INPP5D: variants seen among roughly 807,000 people sequenced by gnomAD.
The protein encoded by INPP5D is inositol polyphosphate-5-phosphatase D, also known as phosphatidylinositol 3,4,5-trisphosphate 5-phosphatase 1.
INPP5D carries 33 observed loss-of-function variants against 122.9 expected under a neutral mutation model. The observed-to-expected ratio is 0.27, with a 90% CI of 0.20 to 0.36. The LOEUF is 0.36. INPP5D is among the 10% of genes least tolerant of loss of function. INPP5D has a pLI of 1.00. For missense variants in INPP5D, 1,053 were observed against 1,412.7 expected (o/e 0.75, Z 4.08); for synonymous variants, 584 against 576.2 (o/e 1.01, Z -0.19).
In INPP5D at chr2:233,198,346, G is replaced by A. The variant is rs559202516; in HGVS notation, c.2945G>A (p.Arg982Gln). ...PKKFLPSTAN[R>Q]GLPPRTQESR... ...AAGTTTTTACCCTCAACAGCAAACC[G>A]GGGTCTCCCTCCCAGGACACAGGAG... The change falls in exon 25 of 27, where the codon CGG (arginine) becomes CAG (glutamine). Residue 982 changes from arginine to glutamine, a missense_variant. Coordinates refer to ENST00000445964, the MANE Select transcript of INPP5D (RefSeq NM_001017915.3). 7.4e-5 allele frequency: 119 copies of A among 1,613,432 alleles called. No individual in the cohort carries two copies. In the East Asian group the frequency reaches 2.4e-3, roughly 32 times the overall value.
At chr2:233,089,079 C>T (rs1054608654) in intron 2 of INPP5D, among the ~76,000 whole-genome samples, 6 of 152,162 alleles carry the variant, frequency 3.9e-5, no homozygotes, top group African/African-American at 1.4e-4. Flanking sequence ...ACTGGGCATA[C>T]GTCACTGCTG....
chr2:233,166,148 C>T (rs935449941), intron 13 of INPP5D, among the ~76,000 whole-genome samples: 12 of 152,210 alleles, frequency 7.9e-5, no homozygotes, highest in Admixed American at 2.0e-4. Context: ...GCTGCGCCCA[C>T]GCCCTCCTGC....
intron 1 of INPP5D, among the ~76,000 whole-genome samples, chr2:233,073,193 G>T (rs916999904): frequency 7.9e-5 from 12 of 152,216 alleles, no homozygotes; most frequent in African/African-American, 2.7e-4. Flanking sequence ...CTCGCTGGGG[G>T]AGGGGAGGCA....
rs957443661 is a variant in INPP5D at position 233,100,595 on chromosome 2, G to A, written c.198+21197G>A. On this transcript the variant is annotated intron_variant, in intron 2 of 26. Transcript: ENST00000445964. The surrounding 1 kb of genome is among the most constrained non-coding windows in gnomAD (Gnocchi z 5.3). ...CATGGACTCATGGGCACCCCCGGTT[G>A]AGCTCGCTCACCCAGAGCTCTCTCT... is the stretch of plus-strand genomic sequence containing the variant. Among the ~76,000 whole-genome samples the A allele has an allele frequency of 7.9e-5, 12 of 152,322 alleles. No individual in the cohort carries two copies. The highest frequency in any genetic ancestry group is 1.2e-4 in the Non-Finnish European group (8 of 68,030).
chr2:233,125,669 AC>A, intron 3 of INPP5D, 75 bp from the exon 4 acceptor site: 1 of 1,352,748 alleles, frequency 7.4e-7, no homozygotes, highest in South Asian at 1.4e-5. Flanking sequence ...CGTGGCCTGG[AC>A]CCCATGGGGC....
intron 1 of INPP5D, among the ~76,000 whole-genome samples, chr2:233,065,045 G>C (rs1691173913): frequency 6.6e-6 from 1 of 152,196 alleles, no homozygotes; most frequent in South Asian, 2.1e-4. Context: ...GACTGTGCCG[G>C]GTTTTCTCTC....
At position 233,079,352 on chromosome 2, in the gene INPP5D, A is replaced by T; in HGVS notation, c.152A>T (p.Tyr51Phe). The T allele has an allele frequency of 6.2e-7, 1 of 1,605,276 alleles. No homozygotes were observed. Among genetic ancestry groups the T allele is most frequent in the Non-Finnish European group, 8.5e-7 (1 of 1,171,938 alleles). The change falls in exon 2 of 27, where the codon TAC (tyrosine) becomes TTC (phenylalanine). Residue 51 changes from tyrosine to phenylalanine, a missense_variant. Physicochemically the swap from Tyr to Phe is conservative, Grantham distance 22. Around this residue, in one of 6 missense-constraint regions of INPP5D, gnomAD observed 74 missense variants for 146.6 expected, o/e 0.50. Transcript: ENST00000445964. Reference sequence around the variant, plus strand: ...TATTTCAGGTATCGGAATTGCGTTTACACTTACAGAATTCTGCCCAATGAA... The same window carrying T: ...TATTTCAGGTATCGGAATTGCGTTTTCACTTACAGAATTCTGCCCAATGAA... ...ALCVLYRNCVYTYRILPNEDD... is the reference protein window; with the variant it reads ...ALCVLYRNCVFTYRILPNEDD...
intron 2 of INPP5D, among the ~76,000 whole-genome samples, chr2:233,080,273 C>T (rs780745660): frequency 2.0e-5 from 3 of 152,154 alleles, no homozygotes; most frequent in African/African-American, 4.8e-5. Context: ...CCGTCCAAGC[C>T]CGGGAAGGCC....
At chr2:233,151,552 T>C (rs1693926733) in intron 9 of INPP5D, among the ~76,000 whole-genome samples, 1 of 152,122 alleles carries the variant, frequency 6.6e-6, no homozygotes, top group African/African-American at 2.4e-5. Flanking sequence ...GTCTTTCCTT[T>C]ACACACCCTG....
chr2:233,114,639 T>A (rs976017872), intron 2 of INPP5D, among the ~76,000 whole-genome samples: 2 of 152,144 alleles, frequency 1.3e-5, no homozygotes, highest in African/African-American at 4.8e-5. Context: ...CTCCGAGACC[T>A]GGAGCCCTCT....
rs190118586 is a variant in INPP5D, at chr2:233,133,601, A to G, written c.665+2953A>G. Among the ~76,000 whole-genome samples the G allele has an allele frequency of 1.6e-3, 251 of 152,334 alleles. 3 individuals carry two copies. Among genetic ancestry groups the G allele is most frequent in the Non-Finnish European group, 3.1e-4 (21 of 68,026 alleles). ...AGTATATACCATGTAATATTGGGAT[A>G]TACTCATGCTAATAGATTATTCATT... On this transcript the variant is annotated intron_variant, in intron 5 of 26. Coordinates refer to ENST00000445964, the MANE Select transcript of INPP5D (RefSeq NM_001017915.3).
chr2:233,088,603 T>C (rs1691912018), intron 2 of INPP5D, among the ~76,000 whole-genome samples: 1 of 152,200 alleles, frequency 6.6e-6, no homozygotes, highest in Non-Finnish European at 1.5e-5. Flanking sequence ...TGTGGAGATT[T>C]TGAGGACTAA....
Position 233,195,397 on chromosome 2 carries a change from A to AG in INPP5D, c.2597-1dup. On this transcript the variant is annotated splice_acceptor_variant, in intron 23 of 26. Transcript: ENST00000445964. LOFTEE classifies it high-confidence loss of function. ...TGCTCTTTCCCGTCCCTTTCCTTCC[A>AG]GACTTTGTGAAGACGGAGCGTGATG... 1 of 1,613,672 alleles carries AG rather than the reference A, an allele frequency of 6.2e-7. No individual in the cohort carries two copies. The highest frequency in any genetic ancestry group is 8.5e-7 in the Non-Finnish European group (1 of 1,179,738).
chr2:233,131,656 C>T (rs534234134), intron 5 of INPP5D, among the ~76,000 whole-genome samples: 67 of 152,132 alleles, frequency 4.4e-4, no homozygotes, highest in Admixed American at 2.2e-3. Flanking sequence ...GCCGAGATCT[C>T]GCCACTGCAC....
chr2:233,147,358 G>A (rs1693792075), intron 8 of INPP5D, 113 bp from the exon 9 acceptor site: 1 of 640,830 alleles, frequency 1.6e-6, no homozygotes, highest in African/African-American at 1.8e-5. Flanking sequence ...GTGGCCCCAC[G>A]AAGGACGCAC....
intron 2 of INPP5D, among the ~76,000 whole-genome samples, chr2:233,085,565 G>A (rs1376201472): frequency 2.0e-5 from 3 of 151,844 alleles, no homozygotes; most frequent in Non-Finnish European, 2.9e-5. Context: ...CAATGTGTTC[G>A]GCTTGTTCAC....
chr2:233,083,036 G>A lies in INPP5D; in HGVS notation c.198+3638G>A, dbSNP rs146321489. ...GGTTATAGATAATATTTGATCCCAG[G>A]TGGCATCTGTCCCTTGTGGTAAATC... On this transcript the variant is annotated intron_variant, in intron 2 of 26. Coordinates refer to ENST00000445964, the MANE Select transcript of INPP5D (RefSeq NM_001017915.3). Among the ~76,000 whole-genome samples, 735 of 152,340 alleles carry A rather than the reference G, an allele frequency of 4.8e-3. 1 individual carries two copies. Among genetic ancestry groups the A allele is most frequent in the South Asian group, 8.9e-3 (43 of 4,830 alleles).
chr2:233,090,975 A>G (rs1323551412), intron 2 of INPP5D, among the ~76,000 whole-genome samples: 1 of 152,112 alleles, frequency 6.6e-6, no homozygotes, highest in Non-Finnish European at 1.5e-5. Context: ...AAAAAAAAAA[A>G]AAAGAAGTAA....
At chr2:233,070,745 T>C (rs1296418191) in intron 1 of INPP5D, among the ~76,000 whole-genome samples, 1 of 152,004 alleles carries the variant, frequency 6.6e-6, no homozygotes, top group Non-Finnish European at 1.5e-5. Context: ...CCGGCCAGGA[T>C]CCAGCAGTTT....
Sources: gnomAD v4.1 joint callset for allele counts (sites outside exome capture counted in the v4.1 genomes callset) on GRCh38, gnomAD v4.1.1 for gene constraint, gnomAD v4.1.1 regional missense constraint, Gnocchi (gnomAD v3.1) non-coding constraint, MANE v1.5 for transcripts, NCBI Gene and HGNC (gene_info 2026-07-23, HGNC 2026-07-21) for gene names.